GFRA1: variants seen among roughly 807,000 people sequenced by gnomAD.
GFRA1 encodes the protein GDNF family receptor alpha 1, also known as GDNF family receptor alpha-1.
In GFRA1, 16 loss-of-function variants were observed where a neutral mutation model predicts 51.6. That is an observed-to-expected ratio of 0.31 (90% CI 0.21 to 0.47). The LOEUF (loss-of-function observed/expected upper bound fraction) is 0.47. Ranked by LOEUF, GFRA1 falls within the 20% of genes least tolerant of loss-of-function variation. GFRA1 has a pLI of 1.00. For synonymous variants in GFRA1, 270 were observed against 241.3 expected, an observed-to-expected ratio of 1.12 and a Z score of -1.10; for missense variants, 530 against 594.3, an observed-to-expected ratio of 0.89 and a Z score of 1.13.
At chr10:116,108,302 T>C (rs1957078099) in intron 6 of GFRA1, among the ~76,000 whole-genome samples, 1 of 152,146 alleles carries the variant, frequency 6.6e-6, no homozygotes, top group Admixed American at 6.5e-5. Context: ...ATATCTTCCT[T>C]CTTAGATAGG....
chr10:116,127,846 G>T (rs749224620), intron 5 of GFRA1, among the ~76,000 whole-genome samples: 2 of 152,202 alleles, frequency 1.3e-5, no homozygotes, highest in African/African-American at 2.4e-5. Context: ...ATGCATTTTT[G>T]ATGATAATCT....
chr10:116,267,376 G>A (rs1969742327), intron 4 of GFRA1, among the ~76,000 whole-genome samples: 1 of 151,994 alleles, frequency 6.6e-6, no homozygotes, highest in Non-Finnish European at 1.5e-5. Context: ...TGAGGCAGGA[G>A]AATCACTTGA....
intron 4 of GFRA1, among the ~76,000 whole-genome samples, chr10:116,230,013 C>T (rs1380577037): frequency 1.3e-5 from 2 of 152,104 alleles, no homozygotes; most frequent in African/African-American, 4.8e-5. Context: ...TTGATTCAAG[C>T]TTCCCAAAGA....
At chr10:116,123,564 T>C (rs1328251128) in intron 6 of GFRA1, among the ~76,000 whole-genome samples, 1 of 151,972 alleles carries the variant, frequency 6.6e-6, no homozygotes, top group African/African-American at 2.4e-5. Flanking sequence ...GAACAGAAAC[T>C]CAGAATCTTC....
intron 4 of GFRA1, among the ~76,000 whole-genome samples, chr10:116,218,316 A>G (rs949873419): frequency 1.3e-5 from 2 of 152,192 alleles, no homozygotes; most frequent in Admixed American, 6.5e-5. Context: ...ACTCCCTGGT[A>G]GGTAAGGGTC....
intron 4 of GFRA1, among the ~76,000 whole-genome samples, chr10:116,231,078 C>T (rs1424640182): frequency 1.3e-5 from 2 of 152,160 alleles, no homozygotes; most frequent in Non-Finnish European, 2.9e-5. Flanking sequence ...ATTACTACAT[C>T]TTTTGAATTC....
At chr10:116,079,748 G>C (rs537162533) in intron 9 of GFRA1, among the ~76,000 whole-genome samples, 7 of 152,210 alleles carry the variant, frequency 4.6e-5, no homozygotes, top group Middle Eastern at 3.4e-3. Context: ...TGGCCTGGAA[G>C]AACCATTCAA....
intron 9 of GFRA1, among the ~76,000 whole-genome samples, chr10:116,088,047 G>A (rs560920112): frequency 3.9e-4 from 60 of 152,234 alleles, no homozygotes; most frequent in Non-Finnish European, 8.1e-4. Flanking sequence ...CCTCTCCTTA[G>A]TGTTTTCTGT....
intron 4 of GFRA1, among the ~76,000 whole-genome samples, chr10:116,264,209 G>C (rs1166573465): frequency 1.3e-5 from 2 of 152,112 alleles, no homozygotes; most frequent in Non-Finnish European, 2.9e-5. Flanking sequence ...CAGACAGAAA[G>C]GGACCAACAC....
intron 4 of GFRA1, among the ~76,000 whole-genome samples, chr10:116,268,606 C>T (rs1404229682): frequency 6.9e-6 from 1 of 144,638 alleles, no homozygotes; most frequent in Non-Finnish European, 1.6e-5. Flanking sequence ...ATTTAGAACA[C>T]CAAGACACTC....
intron 9 of GFRA1, among the ~76,000 whole-genome samples, chr10:116,078,736 C>CA (rs1955722741): frequency 6.6e-6 from 1 of 152,136 alleles, no homozygotes; most frequent in Admixed American, 6.5e-5. Flanking sequence ...TGCTAGAAAA[C>CA]AGTCTGTATC....
chr10:116,137,364 G>A (rs551510817), intron 5 of GFRA1, among the ~76,000 whole-genome samples: 7 of 152,188 alleles, frequency 4.6e-5, no homozygotes, highest in African/African-American at 1.2e-4. Context: ...CTCACAGTGC[G>A]GATTTCAGCA....
chr10:116,147,504 A>T (rs1469773157), intron 5 of GFRA1, among the ~76,000 whole-genome samples: 1 of 151,972 alleles, frequency 6.6e-6, no homozygotes, highest in African/African-American at 2.4e-5. Flanking sequence ...TCCCCACAGA[A>T]AGGGCTACCT....
intron 5 of GFRA1, among the ~76,000 whole-genome samples, chr10:116,174,804 A>C (rs1961418380): frequency 6.6e-6 from 1 of 152,234 alleles, no homozygotes; most frequent in South Asian, 2.1e-4. Context: ...TATATGGGTA[A>C]CATTTTAATA....
intron 5 of GFRA1, among the ~76,000 whole-genome samples, chr10:116,130,049 G>A (rs10787624): frequency 0.36 from 53,670 of 148,810 alleles, 9,839 homozygotes; most frequent in East Asian, 0.41. Flanking sequence ...ATGAAATTTT[G>A]AAAAATAATT....
intron 5 of GFRA1, among the ~76,000 whole-genome samples, chr10:116,169,352 T>G (rs1960805119): frequency 6.6e-6 from 1 of 152,210 alleles, no homozygotes; most frequent in South Asian, 2.1e-4. Context: ...AGGGAAATAC[T>G]AGGTAGAAGA....
At chr10:116,086,313 G>A (rs1051782121) in intron 9 of GFRA1, among the ~76,000 whole-genome samples, 1 of 152,162 alleles carries the variant, frequency 6.6e-6, no homozygotes, top group Non-Finnish European at 1.5e-5. Context: ...TGTTGTAAAG[G>A]AACCAAGTGG....
chr10:116,187,545 T>C (rs1962842907), intron 5 of GFRA1, among the ~76,000 whole-genome samples: 1 of 152,202 alleles, frequency 6.6e-6, no homozygotes, highest in African/African-American at 2.4e-5. Context: ...TAGGAGTTAG[T>C]GGCACCGATA....
chr10:116,264,833 C>T (rs550154257), intron 4 of GFRA1, among the ~76,000 whole-genome samples: 16 of 152,176 alleles, frequency 1.1e-4, no homozygotes, highest in African/African-American at 2.4e-4. Flanking sequence ...TAACAGGAAA[C>T]GAATGGGGGT....
Sources: allele counts gnomAD v4.1 joint callset (sites outside exome capture counted in the v4.1 genomes callset), GRCh38; gene constraint gnomAD v4.1.1; transcripts MANE v1.5; gene names NCBI Gene and HGNC (gene_info 2026-07-23, HGNC 2026-07-21).